ZNF679: variants seen among roughly 807,000 people sequenced by gnomAD.
The protein encoded by ZNF679 is zinc finger protein 679.
ZNF679 carries 10 observed loss-of-function variants against 13.4 expected under a neutral mutation model. The observed-to-expected ratio is 0.75, with a 90% CI of 0.46 to 1.27. ZNF679 has a LOEUF of 1.27. Among genes scored for constraint, ZNF679 ranks in the 50% most tolerant of loss-of-function variants. The pLI is 0.00. For synonymous variants in ZNF679, 179 were observed against 162.5 expected (o/e 1.10, Z -0.77); for missense variants, 525 against 477.8 (o/e 1.10, Z -0.92).
At chr7:64,244,945 A>C (rs565542009) in intron 1 of ZNF679, among the ~76,000 whole-genome samples, 1 of 152,360 alleles carries the variant, frequency 6.6e-6, no homozygotes, top group Admixed American at 6.5e-5. Context: ...ACATGGCTAC[A>C]AGGTCAAGCT....
intron 2 of ZNF679, among the ~76,000 whole-genome samples, chr7:64,256,611 T>C (rs1358290930): frequency 6.6e-6 from 1 of 152,186 alleles, no homozygotes; most frequent in African/African-American, 2.4e-5. Context: ...GTGTGTTTAT[T>C]TGAATTATTT....
intron 1 of ZNF679, among the ~76,000 whole-genome samples, chr7:64,235,181 T>G (rs910309033): frequency 6.6e-6 from 1 of 151,948 alleles, no homozygotes; most frequent in Admixed American, 6.6e-5. Context: ...GAGAAATCAA[T>G]AGCCAAAGAA....
chr7:64,235,289 T>G (rs1267831064), intron 1 of ZNF679, among the ~76,000 whole-genome samples: 1 of 143,082 alleles, frequency 7.0e-6, no homozygotes. Flanking sequence ...GAAAGTATAT[T>G]GACAAAAAAA....
chr7:64,247,761 A>AG (rs1314250036), intron 1 of ZNF679, among the ~76,000 whole-genome samples: 1 of 152,030 alleles, frequency 6.6e-6, no homozygotes, highest in Non-Finnish European at 1.5e-5. Context: ...CATGTTAGCT[A>AG]GGCTGATCTC....
At chr7:64,230,989 A>C (rs1183077139) in intron 1 of ZNF679, among the ~76,000 whole-genome samples, 1 of 152,214 alleles carries the variant, frequency 6.6e-6, no homozygotes, top group Non-Finnish European at 1.5e-5. Context: ...GAAGCTCAGC[A>C]GTGACTGGGC....
At chr7:64,248,567 C>G (rs1225594072) in intron 1 of ZNF679, among the ~76,000 whole-genome samples, 3 of 151,970 alleles carry the variant, frequency 2.0e-5, no homozygotes, top group Non-Finnish European at 4.4e-5. Flanking sequence ...GGCCTGAGCC[C>G]CCACGCCTGG....
At chr7:64,258,653 A>G (rs929299978) in intron 2 of ZNF679, among the ~76,000 whole-genome samples, 99 of 148,960 alleles carry the variant, frequency 6.6e-4, no homozygotes, top group African/African-American at 2.3e-3. Flanking sequence ...GTGAGCCAAG[A>G]TTGCACCACT....
intron 1 of ZNF679, among the ~76,000 whole-genome samples, chr7:64,245,430 A>G (rs1787855267): frequency 1.3e-5 from 2 of 149,532 alleles, no homozygotes; most frequent in African/African-American, 2.5e-5. Flanking sequence ...AAAGAGAGAG[A>G]GAGAGAGAGA....
chr7:64,264,052 T>C (rs1386335764), intron 4 of ZNF679, among the ~76,000 whole-genome samples: 1 of 152,136 alleles, frequency 6.6e-6, no homozygotes, highest in Non-Finnish European at 1.5e-5. Flanking sequence ...CCTGATGTTA[T>C]ATATACTTAT....
chr7:64,235,910 A>G (rs1203451075), intron 1 of ZNF679, among the ~76,000 whole-genome samples: 1 of 127,304 alleles, frequency 7.9e-6, no homozygotes, highest in African/African-American at 3.0e-5. Context: ...GACACAAAAA[A>G]GATAAGAAGC....
rs140774098 is a variant in ZNF679, at chr7:64,242,064, G to A, written c.-90-6964G>A. 3.5e-3 allele frequency among the ~76,000 whole-genome samples: 535 copies of A among 152,242 alleles called. 3 individuals are homozygous for A. Among genetic ancestry groups the A allele is most frequent in the African/African-American group, 0.011 (460 of 41,540 alleles). On this transcript the variant is annotated intron_variant, in intron 1 of 4. Transcript: ENST00000421025. ...GCACTGGCTCTGTGCATAACAGCCCGAACCCCACTTATAAACAGTGTCCCA... is the reference window on the plus strand; with the variant it reads ...GCACTGGCTCTGTGCATAACAGCCCAAACCCCACTTATAAACAGTGTCCCA...
intron 4 of ZNF679, among the ~76,000 whole-genome samples, chr7:64,263,391 G>A (rs1788103532): frequency 6.6e-6 from 1 of 152,132 alleles, no homozygotes; most frequent in South Asian, 2.1e-4. Context: ...GCACCTGGCT[G>A]ATCTTTTGAA....
chr7:64,237,306 G>A (rs62461228), intron 1 of ZNF679, among the ~76,000 whole-genome samples: 39,217 of 152,120 alleles, frequency 0.26, 5,607 homozygotes, highest in Non-Finnish European at 0.33. Context: ...GTGAAGCCTT[G>A]TCATGGGAGG....
chr7:64,265,132 T>A (rs567077788), intron 4 of ZNF679, among the ~76,000 whole-genome samples: 2 of 152,288 alleles, frequency 1.3e-5, no homozygotes, highest in East Asian at 3.9e-4. Context: ...GTTGTCTTCA[T>A]GTTTTGTATA....
intron 1 of ZNF679, among the ~76,000 whole-genome samples, chr7:64,230,304 C>A (rs1026500951): frequency 4.6e-5 from 7 of 151,984 alleles, no homozygotes; most frequent in Non-Finnish European, 1.5e-5. Flanking sequence ...GAGGCCGAGG[C>A]GGGTGGATCA....
chr7:64,238,331 C>T (rs1055276532), intron 1 of ZNF679, among the ~76,000 whole-genome samples: 1 of 152,072 alleles, frequency 6.6e-6, no homozygotes, highest in African/African-American at 2.4e-5. Context: ...GAATGACAGC[C>T]CTTTTCAGCC....
At chr7:64,251,726 T>G (rs1787946859) in intron 2 of ZNF679, among the ~76,000 whole-genome samples, 1 of 152,080 alleles carries the variant, frequency 6.6e-6, no homozygotes, top group Non-Finnish European at 1.5e-5. Context: ...TCAACCCACC[T>G]TGGCCATGTC....
intron 1 of ZNF679, among the ~76,000 whole-genome samples, chr7:64,230,869 A>G (rs969830893): frequency 1.3e-5 from 2 of 152,236 alleles, no homozygotes; most frequent in Non-Finnish European, 2.9e-5. Context: ...GAATAGTAAC[A>G]GCCTCACACG....
chr7:64,250,192 A>G (rs923240169), intron 2 of ZNF679, among the ~76,000 whole-genome samples: 4 of 151,782 alleles, frequency 2.6e-5, no homozygotes, highest in Non-Finnish European at 1.5e-5. Context: ...AGCTGAGAAA[A>G]ATCAATCCAC....
Sources: gnomAD v4.1 joint callset for allele counts (sites outside exome capture counted in the v4.1 genomes callset) on GRCh38, gnomAD v4.1.1 for gene constraint, MANE v1.5 for transcripts, NCBI Gene and HGNC (gene_info 2026-07-23, HGNC 2026-07-21) for gene names.